C1orf21: variants seen among roughly 807,000 people sequenced by gnomAD.
C1orf21 encodes the protein chromosome 1 open reading frame 21.
A neutral mutation model predicts 18.7 loss-of-function variants in C1orf21; 3 were observed. The observed-to-expected ratio is 0.16, with a 90% confidence interval of 0.07 to 0.42. The LOEUF (loss-of-function observed/expected upper bound fraction) is 0.42, where lower values mean the gene tolerates loss of function less well. Among genes scored for constraint, C1orf21 ranks in the 10% least tolerant of loss-of-function variants. C1orf21 has a pLI of 0.99. For missense variants in C1orf21, 104 were observed against 143.6 expected (o/e 0.72, Z 1.41); for synonymous variants, 41 against 46.4 (o/e 0.88, Z 0.47).
At chr1:184,403,350 AT>A (rs1246085349) in intron 1 of C1orf21, among the ~76,000 whole-genome samples, 5 of 152,222 alleles carry the variant, frequency 3.3e-5, no homozygotes, top group Non-Finnish European at 7.3e-5. Flanking sequence ...ATACAATATG[AT>A]TCTATTTATG....
chr1:184,467,383 G>C (rs151096874), intron 1 of C1orf21, among the ~76,000 whole-genome samples: 119 of 152,320 alleles, frequency 7.8e-4, no homozygotes, highest in Middle Eastern at 6.8e-3. Flanking sequence ...TTGAGGCTAT[G>C]ATGAAGCAGG....
At chr1:184,539,279 A>C (rs144420111) in intron 3 of C1orf21, among the ~76,000 whole-genome samples, 1 of 152,110 alleles carries the variant, frequency 6.6e-6, no homozygotes, top group African/African-American at 2.4e-5. Flanking sequence ...TATTCTGTAA[A>C]TGTGGTATAT....
intron 4 of C1orf21, among the ~76,000 whole-genome samples, chr1:184,593,994 A>T (rs1225819620): frequency 6.6e-6 from 1 of 152,246 alleles, no homozygotes; most frequent in African/African-American, 2.4e-5. Context: ...TGAGGGAGTG[A>T]TAGTTACATT....
intron 4 of C1orf21, among the ~76,000 whole-genome samples, chr1:184,595,870 G>T (rs1484475858): frequency 6.6e-6 from 1 of 152,172 alleles, no homozygotes; most frequent in Admixed American, 6.5e-5. Context: ...TTCTTCGTGG[G>T]TTATGAAATG....
intron 1 of C1orf21, among the ~76,000 whole-genome samples, chr1:184,467,157 C>G (rs903633049): frequency 6.6e-6 from 1 of 152,246 alleles, no homozygotes; most frequent in Middle Eastern, 3.4e-3. Context: ...GAGAGGGGTA[C>G]TCCCTTCCTT....
chr1:184,594,879 T>A (rs1659491980), intron 4 of C1orf21, among the ~76,000 whole-genome samples: 1 of 152,238 alleles, frequency 6.6e-6, no homozygotes, highest in African/African-American at 2.4e-5. Context: ...TTGCAGATTT[T>A]ATTTTTTTAA....
At chr1:184,474,695 C>T (rs12043012) in intron 1 of C1orf21, among the ~76,000 whole-genome samples, 23,122 of 152,006 alleles carry the variant, frequency 0.15, 1,968 homozygotes, top group East Asian at 0.26. Context: ...CTCAGTGTAC[C>T]CTGATTTTGT....
At chr1:184,568,561 A>G (rs1474307292) in intron 3 of C1orf21, 1 of 407,820 alleles carries the variant, frequency 2.5e-6, no homozygotes, top group Admixed American at 2.9e-5. Flanking sequence ...AAATATTTCA[A>G]AGATATTTAG....
chr1:184,456,034 G>A (rs1245154269), intron 1 of C1orf21, among the ~76,000 whole-genome samples: 1 of 152,112 alleles, frequency 6.6e-6, no homozygotes, highest in Non-Finnish European at 1.5e-5. Context: ...GGTGCCAGAG[G>A]TAAGACCCTC....
chr1:184,396,496 G>A (rs950733045), intron 1 of C1orf21, among the ~76,000 whole-genome samples: 8 of 152,306 alleles, frequency 5.3e-5, no homozygotes, highest in African/African-American at 1.9e-4. Context: ...TCTGAGCTGT[G>A]GAAGCTAATA....
intron 2 of C1orf21, among the ~76,000 whole-genome samples, chr1:184,499,569 A>G (rs1262672441): frequency 3.3e-5 from 5 of 152,086 alleles, no homozygotes; most frequent in Non-Finnish European, 5.9e-5. Flanking sequence ...TCTCTCTGTG[A>G]TTTACAAAGG....
chr1:184,551,503 T>C (rs1658812430), intron 3 of C1orf21, among the ~76,000 whole-genome samples: 1 of 152,172 alleles, frequency 6.6e-6, no homozygotes, highest in East Asian at 1.9e-4. Context: ...AAGGCTGAGA[T>C]AGAGAAGCAA....
At chr1:184,603,428 C>G (rs1483978423) in intron 5 of C1orf21, among the ~76,000 whole-genome samples, 1 of 152,214 alleles carries the variant, frequency 6.6e-6, no homozygotes, top group African/African-American at 2.4e-5. Context: ...TGTTGATTGA[C>G]ATTATTCAAT....
intron 1 of C1orf21, among the ~76,000 whole-genome samples, chr1:184,467,892 G>T (rs1372004399): frequency 6.6e-6 from 1 of 152,088 alleles, no homozygotes; most frequent in Non-Finnish European, 1.5e-5. Flanking sequence ...TAAGTAATTT[G>T]CCCAGAGACA....
intron 3 of C1orf21, chr1:184,567,633 G>C: frequency 1.4e-5 from 6 of 425,082 alleles, no homozygotes; most frequent in South Asian, 9.9e-5. Context: ...ATGCTAGGCA[G>C]ACTGCAGCCT....
intron 1 of C1orf21, among the ~76,000 whole-genome samples, chr1:184,445,024 T>A (rs1192033327): frequency 6.6e-6 from 1 of 152,178 alleles, no homozygotes. Context: ...TATGGGAAAA[T>A]AGCAAGATGG....
chr1:184,468,859 A>G (rs2101987097), intron 1 of C1orf21, among the ~76,000 whole-genome samples: 1 of 151,738 alleles, frequency 6.6e-6, no homozygotes, highest in East Asian at 2.0e-4. Flanking sequence ...GCAGAGATGC[A>G]GTGAGCCGAG....
chr1:184,539,565 G>T (rs1190755336), intron 3 of C1orf21, among the ~76,000 whole-genome samples: 1 of 152,148 alleles, frequency 6.6e-6, no homozygotes, highest in Non-Finnish European at 1.5e-5. Flanking sequence ...AGAAGGATTG[G>T]TATTTGTTCT....
chr1:184,496,103 G>A (rs1444532303), intron 2 of C1orf21, among the ~76,000 whole-genome samples: 4 of 152,052 alleles, frequency 2.6e-5, no homozygotes, highest in Non-Finnish European at 5.9e-5. Flanking sequence ...ACTGGAAGGG[G>A]TAGAAAAGGG....
Sources: allele counts gnomAD v4.1 joint callset (sites outside exome capture counted in the v4.1 genomes callset), GRCh38; gene constraint gnomAD v4.1.1; transcripts MANE v1.5; gene names NCBI Gene and HGNC (gene_info 2026-07-23, HGNC 2026-07-21).